Variants in CFAP47 observed in about 807,000 individuals in gnomAD.
CFAP47 encodes the protein cilia- and flagella-associated protein 47.
A neutral mutation model predicts 148.1 loss-of-function variants in CFAP47; 29 were observed. The observed-to-expected ratio is 0.20, with a 90% CI of 0.15 to 0.27. The LOEUF is 0.27. Among genes scored for constraint, CFAP47 ranks in the 10% least tolerant of loss-of-function variants. The probability of loss-of-function intolerance (pLI) is 1.00; values close to 1 mark genes in which losing one functional copy is unlikely to be tolerated. For missense variants in CFAP47, 1,872 were observed against 1,697.5 expected (o/e 1.10, Z -1.81); for synonymous variants, 664 against 577.3 (o/e 1.15, Z -2.15).
rs1445033992 is a variant in CFAP47, at chrX:36,108,828, G to T, written c.5320+4137G>T. Among the ~76,000 whole-genome samples the T allele has an allele frequency of 2.9e-5, 3 of 104,720 alleles. No homozygotes were observed. In the East Asian group the frequency reaches 8.9e-4, roughly 31 times the overall value. 90.9% of individuals were successfully genotyped at this position (104,720 alleles called of 115,157 possible). ...TTTCACTTTTATTTTAAGTTCATGG[G>T]TACATGTTCAGGTTTGTTATATAGG... On this transcript the variant is annotated intron_variant, in intron 33 of 63. Coordinates refer to ENST00000378653, the MANE Select transcript of CFAP47 (RefSeq NM_001304548.2).
chrX:36,190,938 A>G lies in CFAP47; in HGVS notation c.6321+742A>G, dbSNP rs782095369. Among the ~76,000 whole-genome samples, 8 of 112,050 alleles carry G rather than the reference A, an allele frequency of 7.1e-5. No individual in the cohort carries two copies. In the East Asian group the frequency reaches 2.3e-3, roughly 32 times the overall value. On this transcript the variant is annotated intron_variant, in intron 42 of 63. Transcript: ENST00000378653. ...TGTAGTCCCAAATTTATCATCAGTT[A>G]TATGTACACTAAATTGAATACATAT...
intron 22 of CFAP47, among the ~76,000 whole-genome samples, chrX:36,022,730 T>A (rs140907443): frequency 3.6e-5 from 4 of 111,115 alleles, no homozygotes; most frequent in African/African-American, 1.3e-4. Context: ...TCACTGGTTC[T>A]TTATTCTGCT....
intron 55 of CFAP47, among the ~76,000 whole-genome samples, chrX:36,310,319 C>T (rs782674722): frequency 1.8e-5 from 2 of 111,125 alleles, no homozygotes; most frequent in South Asian, 3.7e-4. Context: ...CATGTGATAA[C>T]AGATAATGCA....
chrX:36,262,615 G>A (rs1234808244), intron 49 of CFAP47, among the ~76,000 whole-genome samples: 1 of 111,845 alleles, frequency 8.9e-6, no homozygotes, highest in Non-Finnish European at 1.9e-5. Context: ...TTATTCATCT[G>A]TTGATGTATG....
chrX:36,126,562 T>G (rs1296126152), intron 33 of CFAP47, among the ~76,000 whole-genome samples: 1 of 112,146 alleles, frequency 8.9e-6, no homozygotes. Flanking sequence ...AACATACATG[T>G]GCATGTGTCT....
intron 57 of CFAP47, among the ~76,000 whole-genome samples, chrX:36,334,085 A>G (rs782579054): frequency 6.3e-5 from 7 of 111,719 alleles, no homozygotes; most frequent in Non-Finnish European, 1.3e-4. Flanking sequence ...AATTCTTGCA[A>G]TCATACTACA....
At chrX:35,923,757 T>G (rs1569200456) in intron 1 of CFAP47, among the ~76,000 whole-genome samples, 1 of 107,108 alleles carries the variant, frequency 9.3e-6, no homozygotes, top group Non-Finnish European at 1.9e-5. Flanking sequence ...GAGGTGGAGG[T>G]TGCAGTGAGC....
Position 36,039,157 on chromosome X carries a change from AT to A in CFAP47, c.3989del (p.Leu1330TyrfsTer18). 2 of 1,063,102 alleles carry A rather than the reference AT, an allele frequency of 1.9e-6. No homozygotes were observed. Among genetic ancestry groups the A allele is most frequent in the Non-Finnish European group, 1.3e-6 (1 of 796,939 alleles). 87.6% of individuals were successfully genotyped at this position (1,063,102 alleles called of 1,213,427 possible). A position where few individuals can be genotyped will look rare whatever the true frequency, so the allele number is the denominator to read the frequency against. On this transcript the variant is annotated frameshift_variant, in exon 25 of 64. Coordinates refer to ENST00000378653, the MANE Select transcript of CFAP47 (RefSeq NM_001304548.2). LOFTEE classifies it high-confidence loss of function. ...TATAACAACTGTAATGGATATCAAC[AT>A]TTTACCTCAAAACTATTTCAGGTAA... The part of the protein sequence containing the change: ...LDITTVMDIN[I>X]LPQNYFRNST...
chrX:36,069,727 G>A (rs1176666253), intron 27 of CFAP47, among the ~76,000 whole-genome samples: 1 of 111,027 alleles, frequency 9.0e-6, no homozygotes, highest in African/African-American at 3.3e-5. Context: ...TAGAGAGGGT[G>A]AGCAGCTTAT....
chrX:36,065,730 T>A lies in CFAP47; in HGVS notation c.4305T>A (p.Ile1435=), dbSNP rs908959521. 1.1e-5 allele frequency: 13 copies of A among 1,139,137 alleles called. No individual in the cohort carries two copies. In the East Asian group the frequency reaches 1.8e-4, roughly 16 times the overall value. 93.9% of individuals were successfully genotyped at this position (1,139,137 alleles called of 1,213,427 possible). A position where few individuals can be genotyped will look rare whatever the true frequency, so the allele number is the denominator to read the frequency against. The change falls in exon 27 of 64, where the codon ATT becomes ATA. Residue 1435 remains isoleucine, a synonymous_variant. Coordinates refer to ENST00000378653, the MANE Select transcript of CFAP47 (RefSeq NM_001304548.2). Reference sequence around the variant, plus strand: ...CAATTCATCTGGATAAGCAAAACATTATTTTAAAGAATGGTAAGCTATGTA... The same window carrying A: ...CAATTCATCTGGATAAGCAAAACATAATTTTAAAGAATGGTAAGCTATGTA... ...YMAIHLDKQN[I]ILKNDKDEYL...
At chrX:36,345,876 T>A (rs1205993665) in intron 57 of CFAP47, among the ~76,000 whole-genome samples, 1 of 111,858 alleles carries the variant, frequency 8.9e-6, no homozygotes, top group Non-Finnish European at 1.9e-5. Flanking sequence ...CCTCAAGGAA[T>A]AACATTTAAA....
At chrX:36,343,410 G>A (rs781979478) in intron 57 of CFAP47, among the ~76,000 whole-genome samples, 17 of 111,704 alleles carry the variant, frequency 1.5e-4, no homozygotes, top group East Asian at 2.9e-4. Context: ...TTAGAATGGC[G>A]ATCATTAAAA....
intron 57 of CFAP47, among the ~76,000 whole-genome samples, chrX:36,337,418 A>T (rs782499968): frequency 8.9e-6 from 1 of 112,160 alleles, no homozygotes; most frequent in African/African-American, 3.2e-5. Context: ...GGCCTTTACA[A>T]GAGGTAGATT....
At chrX:36,057,307 C>G (rs1356988935) in intron 26 of CFAP47, among the ~76,000 whole-genome samples, 1 of 111,768 alleles carries the variant, frequency 8.9e-6, no homozygotes, top group African/African-American at 3.3e-5. Context: ...CAGGTTGATG[C>G]TGTGCAAATG....
At chrX:36,316,214 C>A (rs1280120636) in intron 56 of CFAP47, among the ~76,000 whole-genome samples, 1 of 111,717 alleles carries the variant, frequency 9.0e-6, no homozygotes, top group African/African-American at 3.3e-5. Flanking sequence ...GAAAGACTTG[C>A]AATCTGTTTC....
intron 40 of CFAP47, among the ~76,000 whole-genome samples, chrX:36,179,775 A>AAG (rs1177467479): frequency 9.0e-6 from 1 of 111,340 alleles, no homozygotes; most frequent in Non-Finnish European, 1.9e-5. Flanking sequence ...CCTGTCATGG[A>AAG]AGACTCTATT....
intron 39 of CFAP47, among the ~76,000 whole-genome samples, chrX:36,170,527 A>G (rs1939556784): frequency 9.1e-6 from 1 of 110,025 alleles, no homozygotes; most frequent in African/African-American, 3.3e-5. Context: ...ATTCCCACAT[A>G]TGAGCGAGAA....
At chrX:36,115,605 A>T (rs1386017103) in intron 33 of CFAP47, among the ~76,000 whole-genome samples, 1 of 111,838 alleles carries the variant, frequency 8.9e-6, no homozygotes, top group African/African-American at 3.2e-5. Flanking sequence ...TGGCATGACC[A>T]TTATGAACTT....
intron 33 of CFAP47, among the ~76,000 whole-genome samples, chrX:36,111,248 G>A (rs950853375): frequency 5.4e-5 from 6 of 111,239 alleles, no homozygotes; most frequent in African/African-American, 2.0e-4. Context: ...TTAATATAGA[G>A]AGCTCTTACT....
Sources: allele counts gnomAD v4.1 joint callset (sites outside exome capture counted in the v4.1 genomes callset), GRCh38; gene constraint gnomAD v4.1.1; transcripts MANE v1.5; gene names NCBI Gene and HGNC (gene_info 2026-07-23, HGNC 2026-07-21).